The following ETFA variants were observed in gnomAD, a reference collection of about 807,000 sequenced individuals.
ETFA encodes the protein electron transfer flavoprotein subunit alpha, mitochondrial.
ETFA carries 22 observed loss-of-function variants against 46.2 expected under a neutral mutation model. The observed-to-expected ratio is 0.48, with a 90% CI of 0.34 to 0.68. The LOEUF is 0.68. Among genes scored for constraint, ETFA ranks in the 30% least tolerant of loss-of-function variants. The pLI is 0.01. For missense variants in ETFA, 345 were observed against 401.1 expected (o/e 0.86, Z 1.19); for synonymous variants, 131 against 139.9 (o/e 0.94, Z 0.45).
At chr15:76,303,402 C>T (rs1314061424) in intron 1 of ETFA, among the ~76,000 whole-genome samples, 1 of 151,874 alleles carries the variant, frequency 6.6e-6, no homozygotes, top group Non-Finnish European at 1.5e-5. Flanking sequence ...GAACATAGAC[C>T]CTGGCAAAGA....
At chr15:76,261,618 C>A (rs1324238165) in intron 9 of ETFA, 9 of 439,272 alleles carry the variant, frequency 2.0e-5, no homozygotes, top group Non-Finnish European at 1.6e-5. Context: ...GTCAGAGCCG[C>A]CAGCAGCAGC....
At position 76,311,469 on chromosome 15, in the gene ETFA, T is replaced by A; in HGVS notation, c.-81A>T. 6.6e-7 allele frequency: 1 copy of A among 1,512,150 alleles called. No individual in the cohort carries two copies. Among genetic ancestry groups the A allele is most frequent in the Non-Finnish European group, 8.9e-7 (1 of 1,121,382 alleles). 93.7% of individuals were successfully genotyped at this position (1,512,150 alleles called of 1,614,324 possible). A position where few individuals can be genotyped will look rare whatever the true frequency, so the allele number is the denominator to read the frequency against. Reference sequence around the variant, plus strand: ...GGCGCCGCCTCAGCCAGTCACCTAATGCTCGCGAGACGCGCGAACGAGATA... The same window carrying A: ...GGCGCCGCCTCAGCCAGTCACCTAAAGCTCGCGAGACGCGCGAACGAGATA... On this transcript the variant is annotated 5_prime_UTR_variant, in exon 1 of 12. Coordinates refer to ENST00000557943, the MANE Select transcript of ETFA (RefSeq NM_000126.4).
At chr15:76,300,786 T>C (rs1372384559) in intron 1 of ETFA, among the ~76,000 whole-genome samples, 1 of 152,224 alleles carries the variant, frequency 6.6e-6, no homozygotes, top group Non-Finnish European at 1.5e-5. Context: ...ACTCCATTTA[T>C]GCCTTATTTT....
At chr15:76,300,457 T>C (rs1355348192) in intron 1 of ETFA, among the ~76,000 whole-genome samples, 1 of 152,138 alleles carries the variant, frequency 6.6e-6, no homozygotes. Context: ...AATTCTTCCT[T>C]CTAAAGAGAG....
In ETFA at chr15:76,295,809, T is replaced by A. The variant is rs535203932; in HGVS notation, c.40-72A>T. The A allele has an allele frequency of 2.4e-5, 29 of 1,190,932 alleles. No homozygotes were observed. In the African/African-American group the frequency reaches 4.1e-4, roughly 17 times the overall value. 73.8% of individuals were successfully genotyped at this position (1,190,932 alleles called of 1,614,324 possible). On this transcript the variant is annotated intron_variant, in intron 1 of 11. Transcript: ENST00000557943. Reference sequence around the variant, plus strand: ...GGGTTTTTTTTTTTTTTTTTACTAATTGTTAAGCATGTATGCTTTAAAGAA... The same window carrying A: ...GGGTTTTTTTTTTTTTTTTTACTAAATGTTAAGCATGTATGCTTTAAAGAA...
chr15:76,274,422 A>C lies in ETFA; in HGVS notation c.806T>G (p.Ile269Arg). The C allele has an allele frequency of 6.2e-7, 1 of 1,609,388 alleles. No individual in the cohort carries two copies. Among genetic ancestry groups the C allele is most frequent in the Non-Finnish European group, 8.5e-7 (1 of 1,177,214 alleles). Residue 269 changes from isoleucine (I) to arginine (R), a missense_variant, in exon 9 of 12, where the codon ATA becomes AGA. By Grantham distance (97) the Ile-to-Arg change is moderately conservative (BLOSUM62 -3). Transcript: ENST00000557943. Reference protein sequence around the residue: ...NDMQVGQTGKIVAPELYIAVG... With the variant: ...NDMQVGQTGKRVAPELYIAVG... ...TATTGCAATACTTACTGGTGCTACTATTTTTCCCGTCTGTCCAACTTGCAT... is the reference window on the plus strand; with the variant it reads ...TATTGCAATACTTACTGGTGCTACTCTTTTTCCCGTCTGTCCAACTTGCAT...
In ETFA at chr15:76,261,193, A is replaced by T. The variant is rs1014179585; in HGVS notation, c.816+13219T>A. On this transcript the variant is annotated intron_variant, in intron 9 of 11. Transcript: ENST00000557943. Reference sequence around the variant, plus strand: ...GATCTTCGTAGTTCCTCTCCACCAGACAATGGTAACAGGTTCAGGGGGACC... The same window carrying T: ...GATCTTCGTAGTTCCTCTCCACCAGTCAATGGTAACAGGTTCAGGGGGACC... 1.3e-4 allele frequency: 197 copies of T among 1,539,066 alleles called. No homozygotes were observed. In the Middle Eastern group the frequency reaches 1.9e-3, roughly 15 times the overall value.
chr15:76,264,468 G>A (rs994129355), intron 9 of ETFA, among the ~76,000 whole-genome samples: 2 of 152,132 alleles, frequency 1.3e-5, no homozygotes, highest in Non-Finnish European at 2.9e-5. Flanking sequence ...CATGGGAAAG[G>A]GTAAATGTTA....
chr15:76,231,340 T>A lies in ETFA; in HGVS notation c.875A>T (p.Asp292Val). ...GAIQHLAGMKDSKTIVAINKD... is the reference protein window; with the variant it reads ...GAIQHLAGMKVSKTIVAINKD... ...TCACTGATGTACAATTACCTTGCTG[T>A]CTTTCATCCCAGCTAAATGTTGGAT... Residue 292 changes from aspartate to valine, a missense_variant, in exon 10 of 12, where the codon GAC (aspartate) becomes GTC (valine). Transcript: ENST00000557943. The A allele has an allele frequency of 6.3e-7, 1 of 1,599,244 alleles. No homozygotes were observed. Among genetic ancestry groups the A allele is most frequent in the Non-Finnish European group, 8.6e-7 (1 of 1,166,504 alleles).
chr15:76,307,829 C>A (rs1439935988), intron 1 of ETFA, among the ~76,000 whole-genome samples: 1 of 152,060 alleles, frequency 6.6e-6, no homozygotes. Context: ...ATATGCACAT[C>A]GTTAACAGTT....
At chr15:76,228,243 G>A (rs547066554) in intron 10 of ETFA, 2 of 343,950 alleles carry the variant, frequency 5.8e-6, no homozygotes, top group Admixed American at 4.1e-5. Context: ...CTGGAGTGCA[G>A]TGGTACAATC....
intron 11 of ETFA, among the ~76,000 whole-genome samples, chr15:76,221,584 T>TA (rs2038956866): frequency 6.6e-6 from 1 of 152,240 alleles, no homozygotes; most frequent in Non-Finnish European, 1.5e-5. Context: ...CAGCACCTAC[T>TA]ATGTACCTGG....
At chr15:76,252,759 A>G (rs1454723100) in intron 9 of ETFA, among the ~76,000 whole-genome samples, 4 of 152,168 alleles carry the variant, frequency 2.6e-5, no homozygotes, top group Non-Finnish European at 5.9e-5. Flanking sequence ...ATGGTATATA[A>G]ATGTGTTTTG....
At chr15:76,292,233 T>C (rs1394042705) in intron 4 of ETFA, among the ~76,000 whole-genome samples, 198 bp downstream of exon 4, 1 of 152,208 alleles carries the variant, frequency 6.6e-6, no homozygotes, top group Non-Finnish European at 1.5e-5. Flanking sequence ...CTCCACAACA[T>C]AATTTGAAAA....
chr15:76,216,554 C>T lies in ETFA; in HGVS notation c.*5G>A, dbSNP rs774771335. On this transcript the variant is annotated 3_prime_UTR_variant, in exon 12 of 12. Transcript: ENST00000557943. ...AAAGTTTTCTTTTTAAGGCATGATC[C>T]TGATTCATTTTTTCTTCAATATCTC... 6.4e-7 allele frequency: 1 copy of T among 1,562,550 alleles called. No homozygotes were observed. Among genetic ancestry groups the T allele is most frequent in the Non-Finnish European group, 8.8e-7 (1 of 1,133,346 alleles).
At chr15:76,269,387 C>T (rs1249375766) in intron 9 of ETFA, among the ~76,000 whole-genome samples, 1 of 152,216 alleles carries the variant, frequency 6.6e-6, no homozygotes, top group African/African-American at 2.4e-5. Flanking sequence ...TTGCTTCTAG[C>T]ACACCCATTA....
chr15:76,237,252 C>T (rs567895615), intron 9 of ETFA, among the ~76,000 whole-genome samples: 3 of 152,270 alleles, frequency 2.0e-5, no homozygotes, highest in East Asian at 1.9e-4. Flanking sequence ...GGGGTTTTGC[C>T]ATGTTGGCCA....
At chr15:76,269,413 C>G (rs927892125) in intron 9 of ETFA, among the ~76,000 whole-genome samples, 3 of 152,160 alleles carry the variant, frequency 2.0e-5, no homozygotes, top group Non-Finnish European at 4.4e-5. Context: ...AGTAGCCATA[C>G]GTTTCAAAGA....
At chr15:76,234,684 A>T (rs1317010113) in intron 9 of ETFA, among the ~76,000 whole-genome samples, 2 of 152,122 alleles carry the variant, frequency 1.3e-5, no homozygotes, top group Non-Finnish European at 1.5e-5. Context: ...GAATGGATCA[A>T]CCCCAGGTGG....
Sources: gnomAD v4.1 joint callset for allele counts (sites outside exome capture counted in the v4.1 genomes callset) on GRCh38, gnomAD v4.1.1 for gene constraint, MANE v1.5 for transcripts, NCBI Gene and HGNC (gene_info 2026-07-23, HGNC 2026-07-21) for gene names.